Variants in IQSEC2 observed in about 807,000 individuals in gnomAD.
The protein encoded by IQSEC2 is IQ motif and SEC7 domain-containing protein 2.
IQSEC2 carries 6 observed loss-of-function variants against 74.6 expected under a neutral mutation model. That is an observed-to-expected ratio of 0.08 (90% CI 0.04 to 0.16). The LOEUF is 0.16. IQSEC2 is among the 10% of genes least tolerant of loss of function. IQSEC2 has a pLI of 1.00. For missense variants in IQSEC2, 734 were observed against 1,306.2 expected, an observed-to-expected ratio of 0.56 and a Z score of 6.75; for synonymous variants, 494 against 544.5, an observed-to-expected ratio of 0.91 and a Z score of 1.29.
At chrX:53,280,722 G>A (rs782647349) in intron 2 of IQSEC2, among the ~76,000 whole-genome samples, 150 of 111,710 alleles carry the variant, frequency 1.3e-3, no homozygotes, top group Non-Finnish European at 2.5e-3. Context: ...ATTAAAGTCC[G>A]GAGAATGGCC....
At position 53,255,983 on chromosome X, in the gene IQSEC2, G is replaced by T; in HGVS notation, c.816C>A (p.Ser272Arg). The T allele has an allele frequency of 8.4e-7, 1 of 1,189,978 alleles. No individual in the cohort carries two copies. Among genetic ancestry groups the T allele is most frequent in the South Asian group, 1.8e-5 (1 of 54,583 alleles). The change falls in exon 3 of 15, where the codon AGC (serine) becomes AGA (arginine). Residue 272 changes from serine to arginine, a missense_variant. This residue lies in a region of IQSEC2 where 54 missense variants were observed against 62.1 expected (regional missense o/e 0.87). Coordinates refer to ENST00000642864, the MANE Select transcript of IQSEC2 (RefSeq NM_001111125.3). ...TGTGGCTGCTGGAGGGGGGCAGCTGGCTCAGCCGGTAGGGGGGTTGGCTCC... is the reference window on the plus strand; with the variant it reads ...TGTGGCTGCTGGAGGGGGGCAGCTGTCTCAGCCGGTAGGGGGGTTGGCTCC... ...SPGSQPPYRL[S>R]QLPPSSSHMG...
chrX:53,238,878 A>G (rs1556860302), intron 11 of IQSEC2, among the ~76,000 whole-genome samples: 1 of 110,075 alleles, frequency 9.1e-6, no homozygotes, highest in Non-Finnish European at 1.9e-5. Context: ...CTCAACTCAC[A>G]TTGCTTCTGC....
chrX:53,268,895 C>T (rs1448333866), intron 2 of IQSEC2, among the ~76,000 whole-genome samples: 11 of 112,494 alleles, frequency 9.8e-5, no homozygotes, highest in African/African-American at 3.2e-4. Context: ...ACTTTCCTTA[C>T]CTGCAAACTG....
chrX:53,281,585 C>A, intron 2 of IQSEC2: 1 of 1,112,464 alleles, frequency 9.0e-7, no homozygotes, highest in Non-Finnish European at 1.2e-6. Flanking sequence ...GTGTCACCAC[C>A]CCCTCCTCCC....
At position 53,321,258 on chromosome X, in the gene IQSEC2, G is replaced by A; in HGVS notation, c.-135C>T. On this transcript the variant is annotated 5_prime_UTR_variant, in exon 1 of 15. Transcript: ENST00000642864. Reference sequence around the variant, plus strand: ...GCGCGCACCGGGCTTGAGGGCCCGGGGGCCCTAGGGGGCCCGGGAGACAGC... The same window carrying A: ...GCGCGCACCGGGCTTGAGGGCCCGGAGGCCCTAGGGGGCCCGGGAGACAGC... 2.8e-6 allele frequency: 1 copy of A among 357,550 alleles called. No homozygotes were observed. The highest frequency in any genetic ancestry group is 4.7e-6 in the Non-Finnish European group (1 of 212,385). 29.5% of individuals were successfully genotyped at this position (357,550 alleles called of 1,213,427 possible). A position where few individuals can be genotyped will look rare whatever the true frequency, so the allele number is the denominator to read the frequency against.
intron 1 of IQSEC2, among the ~76,000 whole-genome samples, chrX:53,305,108 G>A (rs1411326956): frequency 9.1e-6 from 1 of 110,001 alleles, no homozygotes; most frequent in African/African-American, 3.3e-5. Flanking sequence ...TAGTAGAGAT[G>A]GAGTATCACC....
intron 1 of IQSEC2, among the ~76,000 whole-genome samples, chrX:53,300,362 C>T (rs1313225344): frequency 9.0e-6 from 1 of 111,677 alleles, no homozygotes; most frequent in African/African-American, 3.3e-5. Context: ...CATTTAGGCA[C>T]CACCTCCTCC....
intron 2 of IQSEC2, among the ~76,000 whole-genome samples, chrX:53,277,734 G>A (rs903348841): frequency 6.7e-5 from 7 of 105,179 alleles, no homozygotes; most frequent in East Asian, 3.1e-4. Flanking sequence ...GCAGTGGTAC[G>A]ATCTTGGCTC....
chrX:53,283,176 G>A (rs1328995777), intron 2 of IQSEC2, among the ~76,000 whole-genome samples: 4 of 112,233 alleles, frequency 3.6e-5, no homozygotes, highest in Admixed American at 2.8e-4. Context: ...AGATCATGCC[G>A]CTGCACTCCA....
chrX:53,229,773 G>C (rs1281460292), downstream of IQSEC2: 1 of 112,273 alleles, frequency 8.9e-6, no homozygotes, highest in Non-Finnish European at 1.9e-5. Flanking sequence ...CATAATAATT[G>C]TTCCAGCGAA....
intron 1 of IQSEC2, among the ~76,000 whole-genome samples, chrX:53,310,919 G>C (rs906545762): frequency 1.9e-5 from 2 of 107,351 alleles, no homozygotes; most frequent in Non-Finnish European, 3.8e-5. Context: ...TCGGGAGTTC[G>C]AGACTAGCCT....
At chrX:53,236,203 G>T in intron 13 of IQSEC2, 119 bp downstream of exon 13, 1 of 837,812 alleles carries the variant, frequency 1.2e-6, no homozygotes. Flanking sequence ...GGCTCTGGGT[G>T]AAGGCAGGGT....
chrX:53,307,743 A>G (rs1041044084), intron 1 of IQSEC2, among the ~76,000 whole-genome samples: 1 of 107,606 alleles, frequency 9.3e-6, no homozygotes, highest in Non-Finnish European at 1.9e-5. Context: ...CATCTCTACT[A>G]AAAATACAAA....
intron 1 of IQSEC2, among the ~76,000 whole-genome samples, chrX:53,300,828 G>C (rs1457016421): frequency 9.0e-6 from 1 of 111,592 alleles, no homozygotes; most frequent in Non-Finnish European, 1.9e-5. Context: ...ACATTAAGAG[G>C]ATGGTTAAGT....
In IQSEC2 at chrX:53,254,703, G is replaced by T. The variant is rs782629912; in HGVS notation, c.1228C>A (p.Pro410Thr). ...ATGGCACCCTCGTCCAGCGAGGCAG[G>T]CTTGCCCTCGAAGTACGCGGGGTTC... ...AQNPAYFEGKPASLDEGAMAG... is the reference protein window; with the variant it reads ...AQNPAYFEGKTASLDEGAMAG... Residue 410 changes from proline to threonine, a missense_variant, in exon 4 of 15, where the codon CCT becomes ACT. Physicochemically the swap from Pro to Thr is conservative, Grantham distance 38. Around this residue, in one of 12 missense-constraint regions of IQSEC2, gnomAD observed 204 missense variants for 305.4 expected, o/e 0.67. Transcript: ENST00000642864. The T allele has an allele frequency of 8.3e-7, 1 of 1,208,812 alleles. No homozygotes were observed.
At chrX:53,240,262 G>A (rs942683810) in intron 10 of IQSEC2, among the ~76,000 whole-genome samples, 1 of 112,061 alleles carries the variant, frequency 8.9e-6, no homozygotes, top group Admixed American at 9.4e-5. Context: ...CAGAGGACAC[G>A]GAGCAACATC....
intron 2 of IQSEC2, chrX:53,266,211 C>A: frequency 4.4e-6 from 1 of 226,235 alleles, no homozygotes; most frequent in Middle Eastern, 2.5e-3. Context: ...AACCACGAAT[C>A]AAACCCTACT....
chrX:53,309,983 G>T (rs782733520), intron 1 of IQSEC2, among the ~76,000 whole-genome samples: 1 of 111,389 alleles, frequency 9.0e-6, no homozygotes, highest in East Asian at 2.8e-4. Context: ...TCATGAAAGA[G>T]AAGAAAAATG....
intron 1 of IQSEC2, among the ~76,000 whole-genome samples, chrX:53,310,407 A>C (rs1487364055): frequency 1.9e-5 from 1 of 53,360 alleles, no homozygotes; most frequent in Non-Finnish European, 6.4e-5. Flanking sequence ...AAGCAAACAA[A>C]CAAACAAAAA....
Sources: gnomAD v4.1 joint callset for allele counts (sites outside exome capture counted in the v4.1 genomes callset) on GRCh38, gnomAD v4.1.1 for gene constraint, gnomAD v4.1.1 regional missense constraint, MANE v1.5 for transcripts, NCBI Gene and HGNC (gene_info 2026-07-23, HGNC 2026-07-21) for gene names.